RAB35: variants seen among roughly 807,000 people sequenced by gnomAD.
The protein encoded by RAB35 is RAB35, member RAS oncogene family.
In RAB35, 4 loss-of-function variants were observed where a neutral mutation model predicts 28.9. The observed-to-expected ratio is 0.14, with a 90% CI of 0.07 to 0.32. The LOEUF (loss-of-function observed/expected upper bound fraction) is 0.32. Among genes scored for constraint, RAB35 ranks in the 10% least tolerant of loss-of-function variants. The pLI, the probability that RAB35 is intolerant of heterozygous loss-of-function variation, is 1.00. For missense variants in RAB35, 128 were observed against 274.0 expected, an observed-to-expected ratio of 0.47 and a Z score of 3.76; for synonymous variants, 99 against 105.1, an observed-to-expected ratio of 0.94 and a Z score of 0.35.
intron 1 of RAB35, among the ~76,000 whole-genome samples, chr12:120,115,009 GAATACCAA>G (rs1876271264): frequency 6.6e-6 from 1 of 152,156 alleles, no homozygotes; most frequent in Middle Eastern, 3.2e-3. Flanking sequence ...AGACCCTGAA[GAATACCAA>G]AGGCCATCTC....
rs1875551959 is a variant in RAB35, at chr12:120,099,100, C to T, written c.282G>A (p.Glu94=). Residue 94 remains glutamate, a synonymous_variant, in exon 4 of 6, where the codon GAG becomes GAA. Coordinates refer to ENST00000229340, the MANE Select transcript of RAB35 (RefSeq NM_006861.7). The part of the protein sequence containing the change: ...VIVVYDVTSA[E]SFVNVKRWLH... The stretch of plus-strand genomic sequence containing the variant: ...GCCACCGCTTGACGTTGACAAAGGA[C>T]TCGGCACTGGTGACGTCGTAAACCA... 6.2e-7 allele frequency: 1 copy of T among 1,614,156 alleles called. No individual in the cohort carries two copies. The highest frequency in any genetic ancestry group is 1.7e-5 in the Admixed American group (1 of 60,010).
intron 2 of RAB35, among the ~76,000 whole-genome samples, chr12:120,104,631 G>C (rs1269211459): frequency 6.6e-6 from 1 of 151,782 alleles, no homozygotes; most frequent in Non-Finnish European, 1.5e-5. Flanking sequence ...TGCAGCATCT[G>C]TGGGAAAAAT....
chr12:120,109,611 A>AT (rs1045609573), intron 1 of RAB35, among the ~76,000 whole-genome samples: 24 of 147,410 alleles, frequency 1.6e-4, no homozygotes, highest in African/African-American at 5.5e-4. Flanking sequence ...TGCCCAGCTA[A>AT]TTTTTTTATT....
rs545993140 is a variant in RAB35, at chr12:120,109,048, C to T, written c.53-581G>A. 5.4e-4 allele frequency among the ~76,000 whole-genome samples: 82 copies of T among 152,346 alleles called. 1 individual carries two copies. Among genetic ancestry groups the T allele is most frequent in the African/African-American group, 1.9e-3 (79 of 41,590 alleles). On this transcript the variant is annotated intron_variant, in intron 1 of 5. Coordinates refer to ENST00000229340, the MANE Select transcript of RAB35 (RefSeq NM_006861.7). ...TGGAGTGGAGGGTCTGCCTTATACC[C>T]ATCAGGGCAGCAGCCCACATGTGCT...
intron 2 of RAB35, among the ~76,000 whole-genome samples, chr12:120,106,587 TTTTC>T (rs1483653215): frequency 7.9e-6 from 1 of 125,828 alleles, no homozygotes; most frequent in Non-Finnish European, 1.6e-5. Flanking sequence ...ATCACTTTCT[TTTTC>T]TTTTTTTTTT....
At chr12:120,111,123 C>A (rs1876100343) in intron 1 of RAB35, among the ~76,000 whole-genome samples, 1 of 152,248 alleles carries the variant, frequency 6.6e-6, no homozygotes, top group Admixed American at 6.5e-5. Flanking sequence ...AGGTGCCAAC[C>A]AAACACTGCT....
chr12:120,102,347 A>G (rs888503899), intron 3 of RAB35, among the ~76,000 whole-genome samples: 1 of 152,178 alleles, frequency 6.6e-6, no homozygotes, highest in Non-Finnish European at 1.5e-5. Flanking sequence ...CTGGGCCTGC[A>G]GCCCCAGGCT....
chr12:120,116,584 C>T lies in RAB35; in HGVS notation c.52+15G>A. The T allele has an allele frequency of 1.7e-6, 2 of 1,179,268 alleles. No individual in the cohort carries two copies. Among genetic ancestry groups the T allele is most frequent in the Non-Finnish European group, 2.1e-6 (2 of 954,370 alleles). 73.1% of individuals were successfully genotyped at this position (1,179,268 alleles called of 1,614,324 possible). On this transcript the variant is annotated intron_variant, in intron 1 of 5. Transcript: ENST00000229340. ...CGGCAGGGCCCGCGCCGCCTCCGGC[C>T]GCTGCGGCCCTCACCGCTGTCGCCG...
rs145240996 is a variant in RAB35, at chr12:120,110,461, C to T, written c.53-1994G>A. Among the ~76,000 whole-genome samples, 573 of 151,938 alleles carry T rather than the reference C, an allele frequency of 3.8e-3. 5 individuals carry two copies. Among genetic ancestry groups the T allele is most frequent in the African/African-American group, 0.013 (545 of 41,354 alleles). On this transcript the variant is annotated intron_variant, in intron 1 of 5. Transcript: ENST00000229340. ...GTAGAGATGGCCTCTCACTATATTG[C>T]CCAGGCTGGTCTCAAACTCCTGGCC... is the stretch of plus-strand genomic sequence containing the variant.
At chr12:120,108,882 C>T (rs941132066) in intron 1 of RAB35, among the ~76,000 whole-genome samples, 3 of 152,240 alleles carry the variant, frequency 2.0e-5, no homozygotes, top group South Asian at 2.1e-4. Flanking sequence ...GTTAGGGAGC[C>T]GCCCAAAATG....
chr12:120,102,799 C>A (rs1875711251), intron 3 of RAB35, among the ~76,000 whole-genome samples: 1 of 152,276 alleles, frequency 6.6e-6, no homozygotes, highest in South Asian at 2.1e-4. Flanking sequence ...CTGGGACTTC[C>A]TCATTCGCCT....
At chr12:120,098,782 G>C in intron 5 of RAB35, 29 bp downstream of exon 5, 2 of 1,613,456 alleles carry the variant, frequency 1.2e-6, no homozygotes, top group Non-Finnish European at 1.7e-6. Context: ...ACGGGTGTGT[G>C]GCAGAGCCAC....
intron 1 of RAB35, among the ~76,000 whole-genome samples, chr12:120,112,000 A>T (rs1285665929): frequency 7.5e-5 from 11 of 147,588 alleles, no homozygotes; most frequent in East Asian, 2.0e-4. Flanking sequence ...TTTTTTTTTT[A>T]AATGGAGTCT....
intron 1 of RAB35, among the ~76,000 whole-genome samples, chr12:120,112,883 C>T (rs542962878): frequency 3.7e-4 from 56 of 149,572 alleles, no homozygotes; most frequent in African/African-American, 1.4e-3. Context: ...CACCACCACG[C>T]CCAACTGATT....
chr12:120,096,932 C>G lies in RAB35; in HGVS notation c.*313G>C. 7.4e-7 allele frequency: 1 copy of G among 1,356,430 alleles called. No individual in the cohort carries two copies. The highest frequency in any genetic ancestry group is 9.7e-7 in the Non-Finnish European group (1 of 1,032,920). 84.0% of individuals were successfully genotyped at this position (1,356,430 alleles called of 1,614,324 possible). On this transcript the variant is annotated 3_prime_UTR_variant, in exon 6 of 6. Coordinates refer to ENST00000229340, the MANE Select transcript of RAB35 (RefSeq NM_006861.7). ...AAAAGCCAGAGCAGGACGTGGTGTG[C>G]GGCCGGGTAGAGCAATATACACTAT...
chr12:120,097,425 T>C lies in RAB35; in HGVS notation c.478-52A>G, dbSNP rs749707876. The stretch of plus-strand genomic sequence containing the variant: ...GCCTCAGACCTGGCCAGGAGGCCCC[T>C]GCTGGCCTGCACGGCTGCCTCCCCG... On this transcript the variant is annotated intron_variant, in intron 5 of 5. Coordinates refer to ENST00000229340, the MANE Select transcript of RAB35 (RefSeq NM_006861.7). 17 of 1,509,766 alleles carry C rather than the reference T, an allele frequency of 1.1e-5. No homozygotes were observed. The South Asian group carries it at 1.7e-4, about 15-fold the overall frequency. 93.5% of individuals were successfully genotyped at this position (1,509,766 alleles called of 1,614,324 possible).
intron 2 of RAB35, 64 bp from the exon 3 acceptor site, chr12:120,104,013 T>C: frequency 1.3e-6 from 2 of 1,587,944 alleles, no homozygotes; most frequent in Admixed American, 3.4e-5. Context: ...AGCCCCACGC[T>C]GCACACAACA....
intron 5 of RAB35, among the ~76,000 whole-genome samples, chr12:120,097,753 T>C (rs1376106783): frequency 1.3e-5 from 2 of 151,732 alleles, no homozygotes; most frequent in Non-Finnish European, 2.9e-5. Flanking sequence ...ACTCAACAAA[T>C]AAATAAGTCT....
chr12:120,099,242 C>T, intron 3 of RAB35, 88 bp from the exon 4 acceptor site: 12 of 1,553,310 alleles, frequency 7.7e-6, no homozygotes, highest in Non-Finnish European at 1.0e-5. Flanking sequence ...AGGACACTGA[C>T]CCGGAAAAGG....
Sources: gnomAD v4.1 joint callset for allele counts (sites outside exome capture counted in the v4.1 genomes callset) on GRCh38, gnomAD v4.1.1 for gene constraint, MANE v1.5 for transcripts, NCBI Gene and HGNC (gene_info 2026-07-23, HGNC 2026-07-21) for gene names.